TADA1: variants seen among roughly 807,000 people sequenced by gnomAD.
The protein encoded by TADA1 is transcriptional adapter 1.
In TADA1, 23 loss-of-function variants were observed where a neutral mutation model predicts 39.3. The ratio of observed to expected loss-of-function variants is 0.58; its 90% CI spans 0.42 to 0.83. TADA1 has a LOEUF of 0.83. Ranked by LOEUF, TADA1 falls within the 40% of genes least tolerant of loss-of-function variation. The pLI is 0.00. For synonymous variants in TADA1, 137 were observed against 151.8 expected (o/e 0.90, Z 0.72); for missense variants, 352 against 408.1 (o/e 0.86, Z 1.18).
intron 7 of TADA1, 137 bp from the exon 8 acceptor site, chr1:166,857,856 G>A: frequency 9.7e-7 from 1 of 1,033,520 alleles, no homozygotes; most frequent in South Asian, 1.7e-5. Flanking sequence ...ATCACCAATT[G>A]GATAATAATA....
At chr1:166,867,545 T>A (rs910707872) in intron 3 of TADA1, among the ~76,000 whole-genome samples, 3 of 151,878 alleles carry the variant, frequency 2.0e-5, no homozygotes, top group Admixed American at 6.6e-5. Flanking sequence ...AACGACTTCT[T>A]TGAGGGTCAA....
At chr1:166,863,642 A>G (rs1658465303) in intron 4 of TADA1, 182 bp downstream of exon 4, 1 of 608,196 alleles carries the variant, frequency 1.6e-6, no homozygotes, top group Admixed American at 3.4e-5. Context: ...AGTAACAAAC[A>G]AGAACTATAA....
At chr1:166,866,539 C>G (rs936367205) in intron 3 of TADA1, among the ~76,000 whole-genome samples, 3 of 152,118 alleles carry the variant, frequency 2.0e-5, no homozygotes, top group African/African-American at 7.2e-5. Flanking sequence ...TAGAAATCTT[C>G]TCTTTGTTGC....
intron 3 of TADA1, among the ~76,000 whole-genome samples, chr1:166,865,103 A>G (rs904548029): frequency 6.6e-6 from 1 of 151,992 alleles, no homozygotes; most frequent in Non-Finnish European, 1.5e-5. Flanking sequence ...AAATAAAAAA[A>G]AAGAGGTCCT....
rs1419375268 is a variant in TADA1 at position 166,856,874 on chromosome 1, A to T, written c.*693T>A. 6.6e-6 allele frequency: 1 copy of T among 152,400 alleles called. No homozygotes were observed. The highest frequency in any genetic ancestry group is 1.5e-5 in the Non-Finnish European group (1 of 68,040). 9.4% of individuals were successfully genotyped at this position (152,400 alleles called of 1,614,324 possible). On this transcript the variant is annotated 3_prime_UTR_variant, in exon 8 of 8. Coordinates refer to ENST00000367874, the MANE Select transcript of TADA1 (RefSeq NM_053053.4). Reference sequence around the variant, plus strand: ...AAACTGCCAATCAAAGTTTTTGGGCATATTTAACAAAACTTGAGTCATGGG... The same window carrying T: ...AAACTGCCAATCAAAGTTTTTGGGCTTATTTAACAAAACTTGAGTCATGGG...
intron 5 of TADA1, among the ~76,000 whole-genome samples, chr1:166,861,878 A>AC (rs1412683630): frequency 1.3e-5 from 2 of 151,648 alleles, no homozygotes; most frequent in Non-Finnish European, 2.9e-5. Context: ...AGAGAGAGAG[A>AC]CCCCCATCCC....
At chr1:166,859,565 A>T (rs1281684030) in intron 6 of TADA1, among the ~76,000 whole-genome samples, 2 of 152,150 alleles carry the variant, frequency 1.3e-5, no homozygotes, top group Non-Finnish European at 2.9e-5. Context: ...GGATGAAAGT[A>T]ATCTAGGTTG....
intron 6 of TADA1, among the ~76,000 whole-genome samples, chr1:166,858,486 C>T (rs1658335297): frequency 6.6e-6 from 1 of 152,196 alleles, no homozygotes; most frequent in African/African-American, 2.4e-5. Context: ...TACCCTCCTT[C>T]TTCCACAATG....
chr1:166,861,224 C>T (rs1250485115), intron 5 of TADA1, among the ~76,000 whole-genome samples: 1 of 152,100 alleles, frequency 6.6e-6, no homozygotes, highest in East Asian at 1.9e-4. Context: ...CCCAGGCTAC[C>T]ATTATTAATA....
rs1658301488 is a variant in TADA1 at position 166,857,439 on chromosome 1, A to G, written c.*128T>C. The G allele has an allele frequency of 1.9e-6, 2 of 1,055,574 alleles. No homozygotes were observed. Among genetic ancestry groups the G allele is most frequent in the Non-Finnish European group, 1.4e-6 (1 of 733,358 alleles). The allele number at this position is 1,055,574 out of a possible 1,614,324, so 65.4% of individuals were successfully genotyped here. ...ACAACAGCAACACAAAATGTACTCA[A>G]TGTCACATTTCCATAGGAAAGGTTA... is the stretch of plus-strand genomic sequence containing the variant. On this transcript the variant is annotated 3_prime_UTR_variant, in exon 8 of 8. Coordinates refer to ENST00000367874, the MANE Select transcript of TADA1 (RefSeq NM_053053.4).
At chr1:166,861,175 G>C (rs976621291) in intron 5 of TADA1, among the ~76,000 whole-genome samples, 1 of 152,114 alleles carries the variant, frequency 6.6e-6, no homozygotes, top group Admixed American at 6.5e-5. Context: ...TATAAGAAAA[G>C]GTTGAGGAAG....
chr1:166,858,345 G>A, intron 6 of TADA1, 64 bp from the exon 7 acceptor site: 1 of 1,270,268 alleles, frequency 7.9e-7, no homozygotes, highest in Non-Finnish European at 1.1e-6. Context: ...GGACAGGAGT[G>A]GCCTGCTAGA....
chr1:166,864,535 G>A (rs1658487014), intron 3 of TADA1, among the ~76,000 whole-genome samples: 1 of 152,150 alleles, frequency 6.6e-6, no homozygotes, highest in Admixed American at 6.5e-5. Flanking sequence ...GAAACCAGGA[G>A]GGATCTGTAA....
intron 3 of TADA1, chr1:166,869,155 C>A: frequency 2.6e-6 from 1 of 381,602 alleles, no homozygotes. Flanking sequence ...GAAATTCAAG[C>A]TTTGGATGAC....
At chr1:166,861,519 G>A (rs998228297) in intron 5 of TADA1, among the ~76,000 whole-genome samples, 6 of 152,202 alleles carry the variant, frequency 3.9e-5, no homozygotes, top group Non-Finnish European at 8.8e-5. Context: ...ATCATGAGCA[G>A]AGACAAGAAT....
chr1:166,864,717 A>G (rs1269369576), intron 3 of TADA1, among the ~76,000 whole-genome samples: 7 of 152,310 alleles, frequency 4.6e-5, no homozygotes, highest in African/African-American at 1.7e-4. Context: ...CCTTCTGTGC[A>G]ATGCAGGTCA....
At chr1:166,859,573 T>C (rs1658361661) in intron 6 of TADA1, among the ~76,000 whole-genome samples, 1 of 151,256 alleles carries the variant, frequency 6.6e-6, no homozygotes, top group Non-Finnish European at 1.5e-5. Context: ...GTAATCTAGG[T>C]TGTTTCATAA....
chr1:166,860,551 G>A (rs2101787010), intron 5 of TADA1, among the ~76,000 whole-genome samples: 1 of 152,266 alleles, frequency 6.6e-6, no homozygotes, highest in South Asian at 2.1e-4. Flanking sequence ...TTATTTTCAT[G>A]TATTAATAGT....
At chr1:166,869,217 T>G (rs1468078039) in intron 3 of TADA1, 1 of 492,704 alleles carries the variant, frequency 2.0e-6, no homozygotes, top group Non-Finnish European at 3.8e-6. Context: ...TTAAAATGTA[T>G]GCCAAGAACT....
Sources: gnomAD v4.1 joint callset for allele counts (sites outside exome capture counted in the v4.1 genomes callset) on GRCh38, gnomAD v4.1.1 for gene constraint, MANE v1.5 for transcripts, NCBI Gene and HGNC (gene_info 2026-07-23, HGNC 2026-07-21) for gene names.